PAPPA2: variants seen among roughly 807,000 people sequenced by gnomAD.
PAPPA2 encodes pappalysin-2.
PAPPA2 carries 86 observed loss-of-function variants against 176.4 expected under a neutral mutation model. That is an observed-to-expected ratio of 0.49 (90% CI 0.41 to 0.58). The LOEUF is 0.58. Ranked by LOEUF, PAPPA2 falls within the 20% of genes least tolerant of loss-of-function variation. The pLI, the probability that PAPPA2 is intolerant of heterozygous loss-of-function variation, is 0.00. For missense variants in PAPPA2, 2,073 were observed against 2,256.9 expected (o/e 0.92, Z 1.65); for synonymous variants, 809 against 852.2 (o/e 0.95, Z 0.88).
chr1:176,698,725 A>T (rs567927036), intron 7 of PAPPA2, among the ~76,000 whole-genome samples: 1 of 152,306 alleles, frequency 6.6e-6, no homozygotes, highest in East Asian at 1.9e-4. Context: ...TGGTCTTCAG[A>T]AGCATTAATT....
chr1:176,786,286 T>A (rs1664931702), intron 17 of PAPPA2, among the ~76,000 whole-genome samples: 1 of 152,186 alleles, frequency 6.6e-6, no homozygotes, highest in Non-Finnish European at 1.5e-5. Flanking sequence ...ACATTTCATT[T>A]GTATAAAGTT....
intron 2 of PAPPA2, among the ~76,000 whole-genome samples, chr1:176,577,024 T>C (rs1225105447): frequency 6.6e-6 from 1 of 152,138 alleles, no homozygotes; most frequent in Admixed American, 6.5e-5. Context: ...TCCAGATAGG[T>C]GGGGCTGATT....
In PAPPA2 at chr1:176,644,251, G is replaced by C. The variant is rs371710311; in HGVS notation, c.1992-26719G>C. ...TCTGTTCTTAGAGATATGATAATAA[G>C]TGAGACTCAGGCAGGTTCAAGCAAC... On this transcript the variant is annotated intron_variant, in intron 3 of 22. Transcript: ENST00000367662. Among the ~76,000 whole-genome samples, 11 of 151,900 alleles carry C rather than the reference G, an allele frequency of 7.2e-5. No homozygotes were observed. In the East Asian group the frequency reaches 2.2e-3, roughly 30 times the overall value.
intron 3 of PAPPA2, among the ~76,000 whole-genome samples, chr1:176,656,049 T>G (rs1172561412): frequency 2.6e-5 from 4 of 152,016 alleles, no homozygotes; most frequent in Non-Finnish European, 5.9e-5. Flanking sequence ...AGAATATTTT[T>G]TTTTCAGAAA....
intron 1 of PAPPA2, among the ~76,000 whole-genome samples, chr1:176,513,149 A>G (rs187268491): frequency 1.2e-3 from 169 of 142,424 alleles, no homozygotes; most frequent in African/African-American, 4.4e-3. Context: ...TTTATTATAC[A>G]TTTCTGTCTA....
intron 1 of PAPPA2, among the ~76,000 whole-genome samples, chr1:176,543,600 C>A (rs1283932810): frequency 1.3e-5 from 2 of 152,100 alleles, no homozygotes; most frequent in African/African-American, 4.8e-5. Context: ...ACTTTCAGAA[C>A]CTCACTGACT....
intron 2 of PAPPA2, among the ~76,000 whole-genome samples, chr1:176,563,307 G>A (rs927325627): frequency 6.6e-6 from 1 of 152,104 alleles, no homozygotes; most frequent in Non-Finnish European, 1.5e-5. Context: ...AAATCACTGA[G>A]TACAGGGCTC....
At chr1:176,573,963 ATT>A (rs34398958) in intron 2 of PAPPA2, among the ~76,000 whole-genome samples, 4 of 149,354 alleles carry the variant, frequency 2.7e-5, no homozygotes, top group African/African-American at 7.4e-5. Context: ...TAATAAATGG[ATT>A]TTTTTTTTTA....
chr1:176,527,731 G>C (rs572234548), intron 1 of PAPPA2, among the ~76,000 whole-genome samples: 6 of 152,276 alleles, frequency 3.9e-5, no homozygotes, highest in Admixed American at 3.9e-4. Flanking sequence ...CTGTTTTAGA[G>C]CCAAAAAGAA....
At chr1:176,684,907 A>G (rs1284862101) in intron 4 of PAPPA2, among the ~76,000 whole-genome samples, 1 of 152,190 alleles carries the variant, frequency 6.6e-6, no homozygotes, top group Admixed American at 6.5e-5. Context: ...GCCCTGTCCA[A>G]GTCTTGCTTG....
At chr1:176,534,691 G>A (rs1295627417) in intron 1 of PAPPA2, among the ~76,000 whole-genome samples, 2 of 152,120 alleles carry the variant, frequency 1.3e-5, no homozygotes, top group African/African-American at 2.4e-5. Flanking sequence ...GAAGCAATGC[G>A]GTTTATCTCT....
At chr1:176,715,921 T>C (rs576098018) in intron 12 of PAPPA2, among the ~76,000 whole-genome samples, 7 of 152,020 alleles carry the variant, frequency 4.6e-5, no homozygotes, top group Admixed American at 3.3e-4. Flanking sequence ...CTGGATTATT[T>C]AGTAGCTAAA....
intron 21 of PAPPA2, among the ~76,000 whole-genome samples, chr1:176,823,147 C>A (rs1424736028): frequency 6.6e-6 from 1 of 152,182 alleles, no homozygotes. Flanking sequence ...ATTTATTTTG[C>A]TTCCTGCCCC....
intron 17 of PAPPA2, among the ~76,000 whole-genome samples, chr1:176,787,642 A>G (rs1348093277): frequency 2.6e-5 from 4 of 152,224 alleles, no homozygotes; most frequent in Admixed American, 6.5e-5. Flanking sequence ...TATTATTTAC[A>G]TATGTTTAAC....
At chr1:176,685,424 G>A (rs1454316347) in intron 4 of PAPPA2, among the ~76,000 whole-genome samples, 1 of 152,170 alleles carries the variant, frequency 6.6e-6, no homozygotes, top group African/African-American at 2.4e-5. Context: ...AGGCTACCTT[G>A]TGAGAGAGAA....
intron 21 of PAPPA2, among the ~76,000 whole-genome samples, chr1:176,808,773 C>CA (rs1176484716): frequency 9.9e-5 from 15 of 150,998 alleles, no homozygotes; most frequent in African/African-American, 3.2e-4. Context: ...TGTTGAGGGC[C>CA]AAAAAAGTGA....
intron 21 of PAPPA2, among the ~76,000 whole-genome samples, chr1:176,826,626 C>G (rs1046109901): frequency 2.4e-4 from 37 of 152,268 alleles, no homozygotes; most frequent in Middle Eastern, 3.4e-3. Context: ...GACATGGGAA[C>G]TAAATATTAG....
chr1:176,832,072 G>A (rs1273726574), intron 21 of PAPPA2, among the ~76,000 whole-genome samples: 3 of 152,038 alleles, frequency 2.0e-5, no homozygotes, highest in Non-Finnish European at 4.4e-5. Context: ...GAGTCTCTAG[G>A]GAGACAATTC....
At chr1:176,567,338 G>T (rs1208722278) in intron 2 of PAPPA2, among the ~76,000 whole-genome samples, 1 of 152,154 alleles carries the variant, frequency 6.6e-6, no homozygotes, top group African/African-American at 2.4e-5. Flanking sequence ...GTATTGCCAT[G>T]GCAACTGGTT....
Sources: gnomAD v4.1 joint callset for allele counts (sites outside exome capture counted in the v4.1 genomes callset) on GRCh38, gnomAD v4.1.1 for gene constraint, MANE v1.5 for transcripts, NCBI Gene and HGNC (gene_info 2026-07-23, HGNC 2026-07-21) for gene names.